Variants in SCFD2 observed in about 807,000 individuals in gnomAD.
The protein encoded by SCFD2 is sec1 family domain containing 2.
A neutral mutation model predicts 58.9 loss-of-function variants in SCFD2; 54 were observed. The observed-to-expected ratio is 0.92, with a 90% CI of 0.74 to 1.15. SCFD2 has a LOEUF of 1.15. Among genes scored for constraint, SCFD2 ranks in the 50% most tolerant of loss-of-function variants. SCFD2 has a pLI of 0.00. For missense variants in SCFD2, 805 were observed against 836.6 expected, an observed-to-expected ratio of 0.96 and a Z score of 0.47; for synonymous variants, 321 against 335.9, an observed-to-expected ratio of 0.96 and a Z score of 0.49.
chr4:53,042,849 C>T (rs1221633534), intron 5 of SCFD2, among the ~76,000 whole-genome samples: 1 of 152,100 alleles, frequency 6.6e-6, no homozygotes, highest in Non-Finnish European at 1.5e-5. Flanking sequence ...CTCCTTGGGA[C>T]TATGGATTGT....
rs1560356428 is a variant in SCFD2, at chr4:53,145,575, C to T, written c.1319G>A (p.Gly440Glu). 1 of 1,610,092 alleles carries T rather than the reference C, an allele frequency of 6.2e-7. No individual in the cohort carries two copies. Among genetic ancestry groups the T allele is most frequent in the African/African-American group, 1.3e-5 (1 of 74,710 alleles). Reference protein sequence around the residue: ...AFERLLLQSIGESAMSVVLNQ... With the variant: ...AFERLLLQSIEESAMSVVLNQ... Reference sequence around the variant, plus strand: ...TAACACAACGGACATTGCTGACTCCCCAATGCTCTAAAATAAAAAATGATA... The same window carrying T: ...TAACACAACGGACATTGCTGACTCCTCAATGCTCTAAAATAAAAAATGATA... The change falls in exon 5 of 9, where the codon GGG becomes GAG. Residue 440 changes from glycine to glutamate, a missense_variant. Around this residue, in one of 3 missense-constraint regions of SCFD2, gnomAD observed 633 missense variants for 646.8 expected, o/e 0.98. Transcript: ENST00000401642.
intron 5 of SCFD2, among the ~76,000 whole-genome samples, chr4:52,960,931 A>G (rs1287460734): frequency 6.6e-6 from 1 of 152,176 alleles, no homozygotes; most frequent in Non-Finnish European, 1.5e-5. Context: ...GGAAGTGAGT[A>G]TCGTAGGAGT....
At chr4:53,165,716 C>CTT (rs1266666321) in intron 4 of SCFD2, among the ~76,000 whole-genome samples, 3 of 152,198 alleles carry the variant, frequency 2.0e-5, no homozygotes, top group Non-Finnish European at 4.4e-5. Flanking sequence ...CACTAAAACA[C>CTT]TCACGGAGAC....
At chr4:53,325,521 T>A (rs1733164762) in intron 2 of SCFD2, among the ~76,000 whole-genome samples, 1 of 108,048 alleles carries the variant, frequency 9.3e-6, no homozygotes, top group African/African-American at 3.4e-5. Context: ...AGGTTCTAGA[T>A]ACCACATTTT....
intron 5 of SCFD2, among the ~76,000 whole-genome samples, chr4:53,081,492 A>G (rs1724145682): frequency 6.6e-6 from 1 of 152,158 alleles, no homozygotes; most frequent in African/African-American, 2.4e-5. Context: ...AAGTGAGAAC[A>G]TGTGGTATTT....
chr4:53,354,263 A>G (rs936541413), intron 1 of SCFD2, among the ~76,000 whole-genome samples: 10 of 152,244 alleles, frequency 6.6e-5, no homozygotes, highest in Admixed American at 3.9e-4. Flanking sequence ...CGAGAATTCA[A>G]TCGTGGTGTG....
intron 3 of SCFD2, among the ~76,000 whole-genome samples, chr4:53,290,298 C>T (rs939393037): frequency 2.0e-5 from 3 of 151,774 alleles, no homozygotes; most frequent in Non-Finnish European, 4.4e-5. Context: ...GGTGAGAAAC[C>T]AGAAATCAGT....
chr4:53,248,626 A>G (rs2149034854), intron 4 of SCFD2, among the ~76,000 whole-genome samples: 1 of 152,320 alleles, frequency 6.6e-6, no homozygotes, highest in South Asian at 2.1e-4. Flanking sequence ...CTGACCCCCG[A>G]GCAGCCTAAG....
At chr4:53,238,231 T>C (rs1729739400) in intron 4 of SCFD2, among the ~76,000 whole-genome samples, 1 of 107,978 alleles carries the variant, frequency 9.3e-6, no homozygotes, top group Non-Finnish European at 1.9e-5. Flanking sequence ...GCAGAGGGGC[T>C]CCTCACTTCC....
At chr4:53,016,858 C>T (rs1339359490) in intron 5 of SCFD2, among the ~76,000 whole-genome samples, 1 of 152,172 alleles carries the variant, frequency 6.6e-6, no homozygotes, top group African/African-American at 2.4e-5. Context: ...CCTGTAATCC[C>T]AGCACTTTGG....
chr4:52,988,843 C>T (rs1721556935), intron 5 of SCFD2, among the ~76,000 whole-genome samples: 2 of 152,278 alleles, frequency 1.3e-5, no homozygotes, highest in South Asian at 4.2e-4. Flanking sequence ...ATCTTGCTGT[C>T]TCCCCCACCT....
chr4:53,191,325 A>G lies in SCFD2; in HGVS notation c.1312-45743T>C, dbSNP rs561302259. Among the ~76,000 whole-genome samples the G allele has an allele frequency of 1.5e-4, 23 of 152,244 alleles. No individual in the cohort carries two copies. In the East Asian group the frequency reaches 4.2e-3, roughly 28 times the overall value. On this transcript the variant is annotated intron_variant, in intron 4 of 8. Coordinates refer to ENST00000401642, the MANE Select transcript of SCFD2 (RefSeq NM_152540.4). Reference sequence around the variant, plus strand: ...ATCTCAAAAAATAAGAAATAAATAAACAAACGAACATAACATTTGAGTGAT... The same window carrying G: ...ATCTCAAAAAATAAGAAATAAATAAGCAAACGAACATAACATTTGAGTGAT...
intron 4 of SCFD2, among the ~76,000 whole-genome samples, chr4:53,173,671 G>A (rs1367747781): frequency 6.6e-6 from 1 of 151,962 alleles, no homozygotes; most frequent in African/African-American, 2.4e-5. Context: ...TTCTTCTCCT[G>A]TTCCTGTCTT....
At chr4:53,202,444 T>C (rs564447592) in intron 4 of SCFD2, among the ~76,000 whole-genome samples, 2 of 151,138 alleles carry the variant, frequency 1.3e-5, no homozygotes, top group East Asian at 3.9e-4. Context: ...TAGTATAGTT[T>C]GAAGTCAGGT....
At chr4:53,103,556 T>C (rs1429632594) in intron 5 of SCFD2, among the ~76,000 whole-genome samples, 1 of 147,726 alleles carries the variant, frequency 6.8e-6, no homozygotes, top group South Asian at 2.1e-4. Context: ...ATATTATATA[T>C]AAATATATAT....
At chr4:53,181,758 C>T (rs1405728339) in intron 4 of SCFD2, among the ~76,000 whole-genome samples, 3 of 152,184 alleles carry the variant, frequency 2.0e-5, no homozygotes, top group Non-Finnish European at 4.4e-5. Context: ...TAGAAAACCC[C>T]ATCGTCTCAG....
chr4:53,233,889 T>G (rs565018263), intron 4 of SCFD2, among the ~76,000 whole-genome samples: 1 of 152,188 alleles, frequency 6.6e-6, no homozygotes, highest in Admixed American at 6.5e-5. Context: ...GGAGTAAAAC[T>G]CAAGATAAAA....
chr4:53,210,017 GC>G, intron 4 of SCFD2, among the ~76,000 whole-genome samples: 1 of 151,904 alleles, frequency 6.6e-6, no homozygotes, highest in Admixed American at 6.6e-5. Context: ...TCATCTTCTG[GC>G]CCTTATCACC....
Position 52,979,981 on chromosome 4 carries a change from C to A in SCFD2, c.1562-59111G>T, listed in dbSNP as rs75255580. Among the ~76,000 whole-genome samples the A allele has an allele frequency of 5.8e-4, 89 of 152,280 alleles. 1 individual carries two copies. The highest frequency in any genetic ancestry group is 2.0e-3 in the African/African-American group (85 of 41,562). On this transcript the variant is annotated intron_variant, in intron 5 of 8. Transcript: ENST00000401642. ...GGATTACCTCTTGTCTTGTTCTGCT[C>A]AGAGCCATTGCACAGCACAGGTCCA...
Sources: allele counts gnomAD v4.1 joint callset (sites outside exome capture counted in the v4.1 genomes callset), GRCh38; gene constraint gnomAD v4.1.1; regional missense constraint gnomAD v4.1.1; transcripts MANE v1.5; gene names NCBI Gene and HGNC (gene_info 2026-07-23, HGNC 2026-07-21).